Variants in SAR1B observed in about 807,000 individuals in gnomAD.
SAR1B encodes the protein secretion associated Ras related GTPase 1B.
A neutral mutation model predicts 26.8 loss-of-function variants in SAR1B; 23 were observed. The observed-to-expected ratio is 0.86, with a 90% CI of 0.62 to 1.22. SAR1B has a LOEUF of 1.22. Among genes scored for constraint, SAR1B ranks in the 50% most tolerant of loss-of-function variants. The pLI is 0.00. For missense variants in SAR1B, 196 were observed against 232.8 expected (o/e 0.84, Z 1.03); for synonymous variants, 65 against 80.8 (o/e 0.80, Z 1.05).
intron 5 of SAR1B, 95 bp downstream of exon 5, chr5:134,609,476 C>T (rs1158754521): frequency 1.0e-6 from 1 of 961,706 alleles, no homozygotes; most frequent in Non-Finnish European, 1.7e-6. Flanking sequence ...TCAGAGACTG[C>T]AGAAAAGCTG....
rs1299858907 is a variant in SAR1B at position 134,602,274 on chromosome 5, T to TA, written c.*4675dup. The TA allele has an allele frequency of 6.6e-6, 1 of 152,176 alleles. No homozygotes were observed. Among genetic ancestry groups the TA allele is most frequent in the Non-Finnish European group, 1.5e-5 (1 of 68,034 alleles). The allele number at this position is 152,176 out of a possible 1,614,324, so 9.4% of individuals were successfully genotyped here. On this transcript the variant is annotated 3_prime_UTR_variant, in exon 7 of 7. Transcript: ENST00000402673. ...AGCCGTGAACAACAATTAGTGCCAT[T>TA]AAATATATTAGCTATTTAATGCTCT...
chr5:134,607,009 C>T lies in SAR1B; in HGVS notation c.538G>A (p.Val180Met). ...TCTCCGTAACCTTGTCTTTTGAGCA[C>T]ACTACACATGAAAACTTCTAAGGGT... ...ARPLEVFMCS[V>M]LKRQGYGEGF... The change falls in exon 7 of 7, where the codon GTG becomes ATG. Residue 180 changes from valine (V) to methionine (M), a missense_variant. By Grantham distance (21) the Val-to-Met change is conservative. Transcript: ENST00000402673. 1 of 1,614,126 alleles carries T rather than the reference C, an allele frequency of 6.2e-7. No individual in the cohort carries two copies. Among genetic ancestry groups the T allele is most frequent in the Non-Finnish European group, 8.5e-7 (1 of 1,179,998 alleles).
intron 4 of SAR1B, among the ~76,000 whole-genome samples, chr5:134,611,916 C>A (rs1025493085): frequency 6.6e-6 from 1 of 151,888 alleles, no homozygotes; most frequent in African/African-American, 2.4e-5. Flanking sequence ...ATAATCCCAA[C>A]TTTTGGGAGA....
intron 4 of SAR1B, among the ~76,000 whole-genome samples, chr5:134,610,294 T>A (rs1480627236): frequency 6.6e-6 from 1 of 151,628 alleles, no homozygotes; most frequent in Middle Eastern, 3.2e-3. Context: ...TAGTGAAACC[T>A]CATCTCTACA....
At chr5:134,612,205 TAG>T (rs1765225889) in intron 4 of SAR1B, among the ~76,000 whole-genome samples, 1 of 152,096 alleles carries the variant, frequency 6.6e-6, no homozygotes, top group African/African-American at 2.4e-5. Flanking sequence ...TAGATTGAAG[TAG>T]AGAGAATGGA....
At chr5:134,622,227 C>A (rs1765421527) in intron 2 of SAR1B, among the ~76,000 whole-genome samples, 1 of 152,042 alleles carries the variant, frequency 6.6e-6, no homozygotes, top group Non-Finnish European at 1.5e-5. Flanking sequence ...ATGTCCTAAT[C>A]TTTTAGTTTT....
At chr5:134,625,448 A>T (rs1389563184) in intron 1 of SAR1B, among the ~76,000 whole-genome samples, 1 of 152,180 alleles carries the variant, frequency 6.6e-6, no homozygotes, top group East Asian at 1.9e-4. Flanking sequence ...GTTCAAGTTG[A>T]GTGGACAAAG....
intron 2 of SAR1B, 58 bp downstream of exon 2, chr5:134,623,904 A>G: frequency 9.1e-7 from 1 of 1,104,644 alleles, no homozygotes; most frequent in Non-Finnish European, 1.4e-6. Context: ...ACAGATAAGC[A>G]CTATTAAATA....
At position 134,604,488 on chromosome 5, in the gene SAR1B, A is replaced by G. The variant is rs1278679998; in HGVS notation, c.*2462T>C. The G allele has an allele frequency of 6.6e-6, 1 of 152,228 alleles. No individual in the cohort carries two copies. The highest frequency in any genetic ancestry group is 2.4e-5 in the African/African-American group (1 of 41,454). The allele number at this position is 152,228 out of a possible 1,614,324, so 9.4% of individuals were successfully genotyped here. ...GCAGTACCCAGTGCATATACTCTGGAGAGGTTCTCAAAGCTGGACAGTAAG... is the reference window on the plus strand; with the variant it reads ...GCAGTACCCAGTGCATATACTCTGGGGAGGTTCTCAAAGCTGGACAGTAAG... On this transcript the variant is annotated 3_prime_UTR_variant, in exon 7 of 7. Transcript: ENST00000402673.
chr5:134,624,360 G>T (rs193278446), intron 1 of SAR1B, among the ~76,000 whole-genome samples: 2 of 152,084 alleles, frequency 1.3e-5, no homozygotes, highest in African/African-American at 4.8e-5. Flanking sequence ...AGTGAGTGGA[G>T]ATTGTGCCAC....
chr5:134,625,864 A>C (rs1765485117), intron 1 of SAR1B: 1 of 152,184 alleles, frequency 6.6e-6, no homozygotes, highest in African/African-American at 2.4e-5. Context: ...AGAGCTAAAG[A>C]ATGGTGAAAA....
At chr5:134,612,938 C>T (rs1045684478) in intron 3 of SAR1B, 182 bp from the exon 4 acceptor site, 3 of 591,350 alleles carry the variant, frequency 5.1e-6, no homozygotes, top group Non-Finnish European at 9.0e-6. Flanking sequence ...ATCTGCCAGC[C>T]GTAATAAAGA....
At position 134,607,498 on chromosome 5, in the gene SAR1B, C is replaced by T. The variant is rs186999257; in HGVS notation, c.481-432G>A. Among the ~76,000 whole-genome samples the T allele has an allele frequency of 2.2e-3, 327 of 151,540 alleles. 6 individuals are homozygous for T. Among genetic ancestry groups the T allele is most frequent in the Admixed American group, 0.016 (244 of 15,234 alleles). On this transcript the variant is annotated intron_variant, in intron 6 of 6. Coordinates refer to ENST00000402673, the MANE Select transcript of SAR1B (RefSeq NM_016103.4). ...ACTTAAGAGCCTCCTGCGGACCGGG[C>T]GTGGTGGCTCATGCCTGTAATCTCA... is the stretch of plus-strand genomic sequence containing the variant.
In SAR1B at chr5:134,608,473, C is replaced by T. The variant is rs1580645978; in HGVS notation, c.379G>A (p.Val127Met). The change falls in exon 6 of 7, where the codon GTG (valine) becomes ATG (methionine). Residue 127 changes from valine to methionine, a missense_variant. Transcript: ENST00000402673. ...SLMTDETIAN[V>M]PILILGNKID... ...TTATTCCCAAGAATCAGTATAGGCACATTAGCAATGGTTTCATCTGTCATT... is the reference window on the plus strand; with the variant it reads ...TTATTCCCAAGAATCAGTATAGGCATATTAGCAATGGTTTCATCTGTCATT... 1 of 1,611,934 alleles carries T rather than the reference C, an allele frequency of 6.2e-7. No individual in the cohort carries two copies. The highest frequency in any genetic ancestry group is 2.2e-5 in the East Asian group (1 of 44,850).
intron 3 of SAR1B, among the ~76,000 whole-genome samples, chr5:134,618,495 A>T (rs184874782): frequency 6.6e-4 from 100 of 152,258 alleles, no homozygotes; most frequent in African/African-American, 2.2e-3. Flanking sequence ...TATATTCATT[A>T]TTAAGGCTAC....
Position 134,616,397 on chromosome 5 carries a change from A to G in SAR1B, c.179-3641T>C, listed in dbSNP as rs1765317778. ...GGTTGCAGTGAGCTGAGATCATACCATTGCACTCCAGCCTGGGGGACAAGA... is the reference window on the plus strand; with the variant it reads ...GGTTGCAGTGAGCTGAGATCATACCGTTGCACTCCAGCCTGGGGGACAAGA... On this transcript the variant is annotated intron_variant, in intron 3 of 6. Transcript: ENST00000402673. 3.3e-5 allele frequency among the ~76,000 whole-genome samples: 5 copies of G among 151,000 alleles called. No homozygotes were observed. The South Asian group carries it at 1.0e-3, about 32-fold the overall frequency.
rs1765104744 is a variant in SAR1B at position 134,605,038 on chromosome 5, T to C, written c.*1912A>G. ...AAGGGAGGGAGCACTTTTGTTTTCA[T>C]TTAGAAAGAAGATGAAAGTGAAAAC... is the stretch of plus-strand genomic sequence containing the variant. On this transcript the variant is annotated 3_prime_UTR_variant, in exon 7 of 7. Transcript: ENST00000402673. The C allele has an allele frequency of 6.6e-6, 1 of 152,224 alleles. No homozygotes were observed. The highest frequency in any genetic ancestry group is 2.4e-5 in the African/African-American group (1 of 41,460). The allele number at this position is 152,224 out of a possible 1,614,324, so 9.4% of individuals were successfully genotyped here.
chr5:134,626,587 GAA>G (rs1442198258), intron 1 of SAR1B, among the ~76,000 whole-genome samples: 1 of 152,102 alleles, frequency 6.6e-6, no homozygotes, highest in African/African-American at 2.4e-5. Context: ...TACCAAACAG[GAA>G]AAGTCTCTCT....
At chr5:134,616,535 G>A (rs1765320398) in intron 3 of SAR1B, among the ~76,000 whole-genome samples, 1 of 152,094 alleles carries the variant, frequency 6.6e-6, no homozygotes, top group African/African-American at 2.4e-5. Context: ...TGTTCATAAG[G>A]AAAAGATAAT....
Sources: gnomAD v4.1 joint callset for allele counts (sites outside exome capture counted in the v4.1 genomes callset) on GRCh38, gnomAD v4.1.1 for gene constraint, MANE v1.5 for transcripts, NCBI Gene and HGNC (gene_info 2026-07-23, HGNC 2026-07-21) for gene names.